SEMA5B: variants seen among roughly 807,000 people sequenced by gnomAD.
The protein encoded by SEMA5B is semaphorin 5B.
In SEMA5B, 66 loss-of-function variants were observed where a neutral mutation model predicts 135.0. The ratio of observed to expected loss-of-function variants is 0.49; its 90% CI spans 0.40 to 0.60. The LOEUF (loss-of-function observed/expected upper bound fraction) is 0.60, where lower values mean the gene tolerates loss of function less well. Ranked by LOEUF, SEMA5B falls within the 20% of genes least tolerant of loss-of-function variation. The pLI, the probability that SEMA5B is intolerant of heterozygous loss-of-function variation, is 0.00. For missense variants in SEMA5B, 1,501 were observed against 1,566.3 expected (o/e 0.96, Z 0.70); for synonymous variants, 690 against 639.5 (o/e 1.08, Z -1.19).
intron 1 of SEMA5B, among the ~76,000 whole-genome samples, chr3:123,003,854 AAAT>A (rs1184677211): frequency 1.8e-5 from 2 of 110,136 alleles, no homozygotes; most frequent in Non-Finnish European, 3.4e-5. Flanking sequence ...ATAAATAAAT[AAAT>A]AATAATAATA....
intron 12 of SEMA5B, among the ~76,000 whole-genome samples, chr3:122,916,456 A>G (rs553318038): frequency 1.3e-5 from 2 of 152,334 alleles, no homozygotes; most frequent in African/African-American, 4.8e-5. Context: ...GGGGCGAAGT[A>G]GTGTTTAAAA....
intron 8 of SEMA5B, among the ~76,000 whole-genome samples, 175 bp downstream of exon 8, chr3:122,927,615 G>A (rs956973624): frequency 2.0e-5 from 3 of 152,094 alleles, no homozygotes; most frequent in African/African-American, 7.2e-5. Flanking sequence ...TTTCGTCTGG[G>A]GCCCATCTCT....
At chr3:122,963,513 A>G (rs1049875070) in intron 1 of SEMA5B, among the ~76,000 whole-genome samples, 1 of 152,008 alleles carries the variant, frequency 6.6e-6, no homozygotes, top group African/African-American at 2.4e-5. Flanking sequence ...AAGAAAAAGA[A>G]AAAGAAAAAG....
intron 5 of SEMA5B, among the ~76,000 whole-genome samples, chr3:122,939,113 C>T (rs917358360): frequency 3.9e-5 from 6 of 152,248 alleles, no homozygotes; most frequent in Admixed American, 6.5e-5. Flanking sequence ...GTTCTGCATT[C>T]TCAGTCCCAA....
At chr3:122,933,356 G>A (rs768741223) in intron 5 of SEMA5B, among the ~76,000 whole-genome samples, 1 of 152,090 alleles carries the variant, frequency 6.6e-6, no homozygotes, top group Non-Finnish European at 1.5e-5. Context: ...ATTCTAGGTT[G>A]AAAATAATTT....
At chr3:122,953,674 GC>G (rs1940156353) in intron 2 of SEMA5B, among the ~76,000 whole-genome samples, 1 of 152,180 alleles carries the variant, frequency 6.6e-6, no homozygotes, top group Non-Finnish European at 1.5e-5. Context: ...CTGCAGCTTT[GC>G]AAATTTCAGC....
chr3:122,923,001 T>C (rs566835628), intron 10 of SEMA5B, among the ~76,000 whole-genome samples: 1 of 152,330 alleles, frequency 6.6e-6, no homozygotes, highest in African/African-American at 2.4e-5. Flanking sequence ...TGGATGACTT[T>C]TTTGTCCAAG....
chr3:122,996,551 GC>G (rs1942027378), intron 1 of SEMA5B, among the ~76,000 whole-genome samples: 1 of 152,220 alleles, frequency 6.6e-6, no homozygotes, highest in Non-Finnish European at 1.5e-5. Flanking sequence ...GTGGGGCTGG[GC>G]CCACATGGAC....
intron 5 of SEMA5B, among the ~76,000 whole-genome samples, chr3:122,939,017 A>T (rs546118424): frequency 6.6e-6 from 1 of 152,350 alleles, no homozygotes; most frequent in East Asian, 1.9e-4. Context: ...CTGAACTCAG[A>T]GACCCTCCTG....
At chr3:122,935,800 C>T (rs957312867) in intron 5 of SEMA5B, among the ~76,000 whole-genome samples, 3 of 147,642 alleles carry the variant, frequency 2.0e-5, no homozygotes, top group Non-Finnish European at 4.4e-5. Flanking sequence ...ATGTGATTCC[C>T]GAGTAGCCTC....
chr3:122,999,729 G>A (rs1052906961), intron 1 of SEMA5B, among the ~76,000 whole-genome samples: 11 of 152,262 alleles, frequency 7.2e-5, no homozygotes, highest in African/African-American at 2.4e-4. Flanking sequence ...CATGAAGACT[G>A]CCAGCATCTG....
At chr3:123,003,724 C>T (rs1464842112) in intron 1 of SEMA5B, among the ~76,000 whole-genome samples, 1 of 152,176 alleles carries the variant, frequency 6.6e-6, no homozygotes, top group Non-Finnish European at 1.5e-5. Flanking sequence ...ATGCCAGCCA[C>T]TCAGGAGGCT....
At chr3:122,912,772 T>G in intron 18 of SEMA5B, 71 bp downstream of exon 18, 4 of 1,411,282 alleles carry the variant, frequency 2.8e-6, no homozygotes, top group Non-Finnish European at 3.8e-6. Context: ...TGGGTAGGCC[T>G]GGGGCGGGGA....
At position 122,910,617 on chromosome 3, in the gene SEMA5B, G is replaced by A. The variant is rs1326193729; in HGVS notation, c.3297+223C>T. Reference sequence around the variant, plus strand: ...GAGGTCAGGAGATCGAGACCATCCCGGCTAAAAACGGTGAAACCCCGTCTC... The same window carrying A: ...GAGGTCAGGAGATCGAGACCATCCCAGCTAAAAACGGTGAAACCCCGTCTC... On this transcript the variant is annotated intron_variant, in intron 22 of 22. Transcript: ENST00000357599. 3.3e-5 allele frequency among the ~76,000 whole-genome samples: 5 copies of A among 151,858 alleles called. 1 individual carries two copies. Among genetic ancestry groups the A allele is most frequent in the African/African-American group, 7.3e-5 (3 of 41,338 alleles).
chr3:122,913,718 G>A (rs370605345), intron 15 of SEMA5B, 37 bp from the exon 16 acceptor site: 2 of 1,606,358 alleles, frequency 1.2e-6, no homozygotes, highest in Non-Finnish European at 1.7e-6. Context: ...CAGGGAGGGG[G>A]ACCCCCTTCC....
Position 122,909,988 on chromosome 3 carries a change from C to T in SEMA5B, c.*155G>A, listed in dbSNP as rs1416292373. 3.3e-5 allele frequency: 25 copies of T among 753,936 alleles called. No individual in the cohort carries two copies. The Admixed American group carries it at 7.3e-4, about 22-fold the overall frequency. 46.7% of individuals were successfully genotyped at this position (753,936 alleles called of 1,614,324 possible). A position where few individuals can be genotyped will look rare whatever the true frequency, so the allele number is the denominator to read the frequency against. ...CCTTTCCCCCATGGTCAATGCCAGC[C>T]AGAGCTCTCTGAAGCCGGATGGGAC... On this transcript the variant is annotated 3_prime_UTR_variant, in exon 23 of 23. Transcript: ENST00000357599.
At chr3:122,912,809 C>T (rs773789874) in intron 18 of SEMA5B, 34 bp downstream of exon 18, 8 of 1,511,460 alleles carry the variant, frequency 5.3e-6, no homozygotes, top group Non-Finnish European at 7.1e-6. Context: ...GACAGGGTTT[C>T]GCTAGGCCAA....
intron 1 of SEMA5B, among the ~76,000 whole-genome samples, chr3:122,963,499 A>AAG (rs1553778089): frequency 2.0e-5 from 3 of 151,530 alleles, no homozygotes; most frequent in African/African-American, 2.4e-5. Flanking sequence ...ACTCAAAAAA[A>AAG]AAAAAGAAAA....
intron 5 of SEMA5B, among the ~76,000 whole-genome samples, chr3:122,939,079 A>G (rs542015405): frequency 1.0e-3 from 155 of 152,334 alleles, no homozygotes; most frequent in African/African-American, 3.5e-3. Flanking sequence ...TTTGCCCAGT[A>G]TTGTCCCAGT....
Sources: gnomAD v4.1 joint callset for allele counts (sites outside exome capture counted in the v4.1 genomes callset) on GRCh38, gnomAD v4.1.1 for gene constraint, MANE v1.5 for transcripts, NCBI Gene and HGNC (gene_info 2026-07-23, HGNC 2026-07-21) for gene names.